The following ANKRD50 variants were observed in gnomAD, a reference collection of about 807,000 sequenced individuals.
ANKRD50 encodes the protein ankyrin repeat domain 50.
A neutral mutation model predicts 112.0 loss-of-function variants in ANKRD50; 40 were observed. The ratio of observed to expected loss-of-function variants is 0.36; its 90% CI spans 0.28 to 0.46. The LOEUF is 0.46. Among genes scored for constraint, ANKRD50 ranks in the 20% least tolerant of loss-of-function variants. The pLI is 1.00. For missense variants in ANKRD50, 1,487 were observed against 1,701.7 expected (o/e 0.87, Z 2.22); for synonymous variants, 613 against 619.1 (o/e 0.99, Z 0.15).
At chr4:124,690,632 A>C (rs1172740229) in intron 2 of ANKRD50, among the ~76,000 whole-genome samples, 2 of 152,212 alleles carry the variant, frequency 1.3e-5, no homozygotes, top group Non-Finnish European at 2.9e-5. Context: ...GTTACCTTAA[A>C]AATTTTTAAA....
At chr4:124,676,637 T>A (rs919681093) in intron 3 of ANKRD50, among the ~76,000 whole-genome samples, 12 of 151,698 alleles carry the variant, frequency 7.9e-5, no homozygotes, top group Admixed American at 4.6e-4. Flanking sequence ...ATTTCATACC[T>A]TTTAGTAAAA....
In ANKRD50 at chr4:124,665,778, G is replaced by A. The variant is rs533137232; in HGVS notation, c.*1740C>T. The A allele has an allele frequency of 2.0e-5, 3 of 152,286 alleles. No homozygotes were observed. Among genetic ancestry groups the A allele is most frequent in the South Asian group, 2.1e-4 (1 of 4,824 alleles). 9.4% of individuals were successfully genotyped at this position (152,286 alleles called of 1,614,324 possible). ...TCAATTGAACTTATCAACTTATCTCGTAGTCCTCACTATGACTTATAGATG... is the reference window on the plus strand; with the variant it reads ...TCAATTGAACTTATCAACTTATCTCATAGTCCTCACTATGACTTATAGATG... On this transcript the variant is annotated 3_prime_UTR_variant, in exon 5 of 5. Transcript: ENST00000504087.
chr4:124,688,168 T>C (rs1169642738), intron 2 of ANKRD50, among the ~76,000 whole-genome samples: 1 of 152,034 alleles, frequency 6.6e-6, no homozygotes, highest in Admixed American at 6.6e-5. Flanking sequence ...CACTCAGTCA[T>C]AAGAGAAAAA....
At chr4:124,679,563 A>C (rs1040559311) in intron 2 of ANKRD50, among the ~76,000 whole-genome samples, 2 of 152,160 alleles carry the variant, frequency 1.3e-5, no homozygotes, top group Admixed American at 6.5e-5. Context: ...CTTTTTCATA[A>C]ATACAACACG....
At chr4:124,683,546 T>C (rs1300340395) in intron 2 of ANKRD50, among the ~76,000 whole-genome samples, 1 of 151,950 alleles carries the variant, frequency 6.6e-6, no homozygotes, top group African/African-American at 2.4e-5. Context: ...TACCCCTTCA[T>C]GCTTTTAATT....
intron 2 of ANKRD50, among the ~76,000 whole-genome samples, chr4:124,696,049 G>T (rs1725244435): frequency 6.6e-6 from 1 of 152,106 alleles, no homozygotes; most frequent in East Asian, 1.9e-4. Context: ...AGAGAAAAAA[G>T]AGATAATAGA....
In ANKRD50 at chr4:124,664,595, T is replaced by C. The variant is rs940134884; in HGVS notation, c.*2923A>G. ...TTTACAATGTGAAATTCAATGTACA[T>C]TTTTGGCTATTTACATACCTCAAAC... On this transcript the variant is annotated 3_prime_UTR_variant, in exon 5 of 5. Coordinates refer to ENST00000504087, the MANE Select transcript of ANKRD50 (RefSeq NM_020337.3). The C allele has an allele frequency of 2.0e-5, 3 of 152,410 alleles. No homozygotes were observed. Among genetic ancestry groups the C allele is most frequent in the Admixed American group, 6.6e-5 (1 of 15,232 alleles). The allele number at this position is 152,410 out of a possible 1,614,324, so 9.4% of individuals were successfully genotyped here.
At chr4:124,667,790 T>G (rs1365356059) in intron 4 of ANKRD50, among the ~76,000 whole-genome samples, 3 of 151,992 alleles carry the variant, frequency 2.0e-5, no homozygotes, top group Admixed American at 6.6e-5. Context: ...CCATCAGAAC[T>G]AATTATTTTA....
At chr4:124,677,206 A>ATT (rs1397726128) in intron 3 of ANKRD50, among the ~76,000 whole-genome samples, 1 of 151,808 alleles carries the variant, frequency 6.6e-6, no homozygotes, top group Non-Finnish European at 1.5e-5. Context: ...TTAATAATTA[A>ATT]TATCCCAAAA....
intron 2 of ANKRD50, among the ~76,000 whole-genome samples, chr4:124,697,619 GC>G (rs1217406186): frequency 6.6e-6 from 1 of 152,092 alleles, no homozygotes; most frequent in Non-Finnish European, 1.5e-5. Context: ...CTCATCAGAA[GC>G]CAAGCAGATA....
At chr4:124,711,530 T>A (rs931725900) in intron 1 of ANKRD50, among the ~76,000 whole-genome samples, 1 of 152,094 alleles carries the variant, frequency 6.6e-6, no homozygotes, top group African/African-American at 2.4e-5. Flanking sequence ...AACTTCACCA[T>A]AGCAAAGGAG....
rs560573825 is a variant in ANKRD50, at chr4:124,669,283, T to G, written c.3994A>C (p.Ile1332Leu). 1 of 1,613,834 alleles carries G rather than the reference T, an allele frequency of 6.2e-7. No individual in the cohort carries two copies. The highest frequency in any genetic ancestry group is 1.3e-5 in the African/African-American group (1 of 75,012). Residue 1332 changes from isoleucine to leucine, a missense_variant, in exon 4 of 5, where the codon ATA (isoleucine) becomes CTA (leucine). Coordinates refer to ENST00000504087, the MANE Select transcript of ANKRD50 (RefSeq NM_020337.3). ...CCAATTTCCTGCTGAGCTGAAGGTA[T>G]CATAATTTTGCATTGAGATTCTGCT... ...MPAESQCKIM[I>L]PSAQQEIGRS...
At position 124,664,568 on chromosome 4, in the gene ANKRD50, CTT is replaced by C. The variant is rs767929831; in HGVS notation, c.*2948_*2949del. Reference sequence around the variant, plus strand: ...ATATCATACAAGGGATAAAATAAAACTTTTACAATGTGAAATTCAATGTACAT... The same window carrying C: ...ATATCATACAAGGGATAAAATAAAACTTACAATGTGAAATTCAATGTACAT... On this transcript the variant is annotated 3_prime_UTR_variant, in exon 5 of 5. Coordinates refer to ENST00000504087, the MANE Select transcript of ANKRD50 (RefSeq NM_020337.3). The C allele has an allele frequency of 6.6e-5, 10 of 152,256 alleles. No homozygotes were observed. Among genetic ancestry groups the C allele is most frequent in the Non-Finnish European group, 1.0e-4 (7 of 67,842 alleles). 9.4% of individuals were successfully genotyped at this position (152,256 alleles called of 1,614,324 possible). A position where few individuals can be genotyped will look rare whatever the true frequency, so the allele number is the denominator to read the frequency against.
rs147602164 is a variant in ANKRD50 at position 124,709,078 on chromosome 4, C to T, written c.512+922G>A. Among the ~76,000 whole-genome samples the T allele has an allele frequency of 1.2e-3, 187 of 151,236 alleles. 4 individuals are homozygous for T. The East Asian group carries it at 0.031, about 25-fold the overall frequency. On this transcript the variant is annotated intron_variant, in intron 2 of 4. Coordinates refer to ENST00000504087, the MANE Select transcript of ANKRD50 (RefSeq NM_020337.3). The stretch of plus-strand genomic sequence containing the variant: ...GAAGAGAGCCACACACACACACACA[C>T]ACAAACCTCCAGTGCACAGTATACC...
chr4:124,670,514 T>A lies in ANKRD50; in HGVS notation c.2763A>T (p.Ala921=), dbSNP rs1188071597. The change falls in exon 4 of 5, where the codon GCA becomes GCT. Residue 921 remains alanine, a synonymous_variant. Coordinates refer to ENST00000504087, the MANE Select transcript of ANKRD50 (RefSeq NM_020337.3). ...YDGRNALRVA[A]LEGHRDIVEL... ...CAACAATGTCCCTGTGCCCTTCTAATGCAGCAACCCGCAGTGCATTTCTTC... is the reference window on the plus strand; with the variant it reads ...CAACAATGTCCCTGTGCCCTTCTAAAGCAGCAACCCGCAGTGCATTTCTTC... The A allele has an allele frequency of 6.2e-7, 1 of 1,613,612 alleles. No individual in the cohort carries two copies. The highest frequency in any genetic ancestry group is 2.2e-5 in the East Asian group (1 of 44,844).
At position 124,671,903 on chromosome 4, in the gene ANKRD50, G is replaced by A. The variant is rs778270450; in HGVS notation, c.1374C>T (p.His458=). 13 of 1,613,712 alleles carry A rather than the reference G, an allele frequency of 8.1e-6. No homozygotes were observed. The East Asian group carries it at 2.9e-4, about 36-fold the overall frequency. ...TPLEAQEFAL[H]LINSNLQLET... ...CTAATTGTAAGTTTGAGTTAATTAA[G>A]TGCAATGCAAATTCTTGTGCTTCCA... The change falls in exon 4 of 5, where the codon CAC becomes CAT. Residue 458 remains histidine, a synonymous_variant. Transcript: ENST00000504087.
intron 4 of ANKRD50, among the ~76,000 whole-genome samples, chr4:124,668,562 G>T (rs1021248250): frequency 1.8e-4 from 28 of 151,888 alleles, no homozygotes; most frequent in Admixed American, 6.6e-5. Context: ...CTTAATCTGG[G>T]ATCCATAAGT....
At chr4:124,681,995 A>G (rs1010377717) in intron 2 of ANKRD50, among the ~76,000 whole-genome samples, 5 of 152,156 alleles carry the variant, frequency 3.3e-5, no homozygotes, top group Admixed American at 6.5e-5. Flanking sequence ...CCATAGCTTC[A>G]AATTCATTGT....
chr4:124,668,803 G>C (rs76536864), intron 4 of ANKRD50, among the ~76,000 whole-genome samples, 181 bp downstream of exon 4: 1,748 of 152,110 alleles, frequency 0.011, 52 homozygotes, highest in East Asian at 0.08. Flanking sequence ...GCACGCAAGG[G>C]GGAAAGGAGT....
Sources: allele counts gnomAD v4.1 joint callset (sites outside exome capture counted in the v4.1 genomes callset), GRCh38; gene constraint gnomAD v4.1.1; transcripts MANE v1.5; gene names NCBI Gene and HGNC (gene_info 2026-07-23, HGNC 2026-07-21).